Variants in SASH1 observed in about 807,000 individuals in gnomAD.
The protein encoded by SASH1 is SAM and SH3 domain-containing protein 1.
In SASH1, 44 loss-of-function variants were observed where a neutral mutation model predicts 125.2. The ratio of observed to expected loss-of-function variants is 0.35; its 90% confidence interval spans 0.28 to 0.45. The LOEUF is 0.45. SASH1 is among the 20% of genes least tolerant of loss of function. The pLI, the probability that SASH1 is intolerant of heterozygous loss-of-function variation, is 1.00. For synonymous variants in SASH1, 639 were observed against 649.1 expected (o/e 0.98, Z 0.24); for missense variants, 1,426 against 1,614.5 (o/e 0.88, Z 2.00).
Position 148,544,053 on chromosome 6 carries a change from CCCTCAGATTGTA to C in SASH1, c.2587_2598del (p.Gln863_Pro866del), listed in dbSNP as rs1562501956. On this transcript the variant is annotated inframe_deletion, in exon 18 of 20. Coordinates refer to ENST00000367467, the MANE Select transcript of SASH1 (RefSeq NM_015278.5). This position sits in a 1 kb window ranked among gnomAD's most constrained non-coding sequence, Gnocchi z 6.4. ...TGCCTACCGAGGTGACAGAACCGCC[CCCTCAGATTGTA>C]CCTGAAGTGCCACAGAAGACGACCG... The C allele has an allele frequency of 6.2e-7, 1 of 1,614,086 alleles. No homozygotes were observed. The highest frequency in any genetic ancestry group is 2.2e-5 in the East Asian group (1 of 44,866).
chr6:148,462,220 AGG>A (rs2115084665), intron 4 of SASH1, among the ~76,000 whole-genome samples: 1 of 152,246 alleles, frequency 6.6e-6, no homozygotes, highest in East Asian at 1.9e-4. Context: ...CCTTAAGTAC[AGG>A]TTTTCCAGTA....
At chr6:148,327,856 A>G (rs1252847125) in intron 1 of SASH1, among the ~76,000 whole-genome samples, 1 of 150,752 alleles carries the variant, frequency 6.6e-6, no homozygotes, top group Non-Finnish European at 1.5e-5. Context: ...CAGGAGAATC[A>G]CTTGAACCCA....
chr6:148,488,621 G>A (rs767663150), intron 8 of SASH1, among the ~76,000 whole-genome samples: 6 of 152,182 alleles, frequency 3.9e-5, no homozygotes, highest in Non-Finnish European at 7.4e-5. Context: ...TGCCAACAAT[G>A]TACAAAAGTT....
intron 1 of SASH1, among the ~76,000 whole-genome samples, chr6:148,358,962 C>T (rs1446488677): frequency 1.3e-5 from 2 of 151,974 alleles, no homozygotes; most frequent in Admixed American, 1.3e-4. Context: ...GTCTTGATCT[C>T]CTGACCTTGT....
chr6:148,545,992 C>G (rs1237045763), intron 18 of SASH1, 23 bp from the exon 19 acceptor site: 1 of 1,609,838 alleles, frequency 6.2e-7, no homozygotes, highest in South Asian at 1.1e-5. Flanking sequence ...CTCTTGATGT[C>G]ATATTCCTGT....
intron 2 of SASH1, among the ~76,000 whole-genome samples, chr6:148,397,521 A>G (rs1438284096): frequency 5.9e-5 from 9 of 152,210 alleles, no homozygotes; most frequent in Admixed American, 5.9e-4. Flanking sequence ...ACTTATATAC[A>G]TCTAAATGCA....
chr6:148,328,131 G>C (rs780419544), intron 1 of SASH1, among the ~76,000 whole-genome samples: 1 of 152,152 alleles, frequency 6.6e-6, no homozygotes, highest in East Asian at 1.9e-4. Context: ...AGCCTTGAAC[G>C]GTTGGCCTCG....
chr6:148,266,357 TAAG>T, the SASH1 span, among the ~76,000 whole-genome samples: 2 of 152,088 alleles, frequency 1.3e-5, no homozygotes, highest in South Asian at 4.1e-4. Context: ...TTAGATAAAA[TAAG>T]AAGAATGTTT....
intron 1 of SASH1, among the ~76,000 whole-genome samples, chr6:148,370,575 G>A (rs1782667563): frequency 6.6e-6 from 1 of 152,066 alleles, no homozygotes; most frequent in African/African-American, 2.4e-5. Context: ...TGTAATCCCA[G>A]CACTTTGGGA....
intron 8 of SASH1, among the ~76,000 whole-genome samples, chr6:148,494,447 C>T (rs1008753575): frequency 4.6e-5 from 7 of 152,098 alleles, no homozygotes; most frequent in East Asian, 1.9e-4. Context: ...AGCAAGTCAT[C>T]GTTTCATAAC....
intron 4 of SASH1, among the ~76,000 whole-genome samples, chr6:148,452,608 A>G (rs1477798352): frequency 6.6e-6 from 1 of 152,210 alleles, no homozygotes; most frequent in African/African-American, 2.4e-5. Flanking sequence ...TATTCAATAA[A>G]GCATGCACAA....
chr6:148,269,735 C>T (rs1012103535), upstream of SASH1, among the ~76,000 whole-genome samples: 1 of 152,132 alleles, frequency 6.6e-6, no homozygotes, highest in African/African-American at 2.4e-5. Context: ...CTGAGGTATT[C>T]AGTATATGAA....
chr6:148,337,889 C>G, upstream of SASH1, among the ~76,000 whole-genome samples: 1 of 152,144 alleles, frequency 6.6e-6, no homozygotes, highest in Non-Finnish European at 1.5e-5. Flanking sequence ...AGAATTGATT[C>G]TGTAATCAAC....
chr6:148,474,606 A>G (rs1302562602), intron 7 of SASH1, among the ~76,000 whole-genome samples: 5 of 152,184 alleles, frequency 3.3e-5, no homozygotes, highest in African/African-American at 1.2e-4. Context: ...GGGTCTCACT[A>G]TGTTGCCCAG....
intron 1 of SASH1, among the ~76,000 whole-genome samples, chr6:148,387,632 C>CCTTCCTTCCT (rs1783492490): frequency 5.4e-5 from 2 of 37,284 alleles, no homozygotes; most frequent in Admixed American, 7.0e-4. Context: ...TTCTTTCTTT[C>CCTTCCTTCCT]TTTCTTTCTT....
chr6:148,242,830 C>T, the SASH1 span, among the ~76,000 whole-genome samples: 1 of 152,138 alleles, frequency 6.6e-6, no homozygotes, highest in African/African-American at 2.4e-5. Context: ...CTAGCCCAAG[C>T]CAAAAAAGGG....
chr6:148,272,982 G>A (rs887543209), intron 1 of SASH1, among the ~76,000 whole-genome samples: 1 of 152,104 alleles, frequency 6.6e-6, no homozygotes, highest in Non-Finnish European at 1.5e-5. Flanking sequence ...TATTTGGGCT[G>A]AACATGGGGG....
rs1407202227 is a variant in SASH1 at position 148,549,288 on chromosome 6, T to C, written c.*730T>C. 8.0e-6 allele frequency: 2 copies of C among 249,426 alleles called. No homozygotes were observed. Among genetic ancestry groups the C allele is most frequent in the Non-Finnish European group, 1.5e-5 (2 of 132,084 alleles). The allele number at this position is 249,426 out of a possible 1,614,324, so 15.5% of individuals were successfully genotyped here. A position where few individuals can be genotyped will look rare whatever the true frequency, so the allele number is the denominator to read the frequency against. On this transcript the variant is annotated 3_prime_UTR_variant, in exon 20 of 20. Coordinates refer to ENST00000367467, the MANE Select transcript of SASH1 (RefSeq NM_015278.5). The stretch of plus-strand genomic sequence containing the variant: ...AAGTGAGCTTTTCTAATCGTCTCAT[T>C]GTAACATGGCTTATTTTGTAGAGGT...
At chr6:148,343,295 T>A (rs951629252) in intron 1 of SASH1, 72 bp downstream of exon 1, 58 of 1,461,846 alleles carry the variant, frequency 4.0e-5, no homozygotes, top group Admixed American at 2.2e-4. Flanking sequence ...GGGGGCTCCC[T>A]TCTCGCCCAC....
Sources: gnomAD v4.1 joint callset for allele counts (sites outside exome capture counted in the v4.1 genomes callset) on GRCh38, gnomAD v4.1.1 for gene constraint, Gnocchi (gnomAD v3.1) non-coding constraint, MANE v1.5 for transcripts, NCBI Gene and HGNC (gene_info 2026-07-23, HGNC 2026-07-21) for gene names.